DNAH8: variants seen among roughly 807,000 people sequenced by gnomAD.
DNAH8 encodes the protein dynein axonemal heavy chain 8, also known as axonemal beta dynein heavy chain 8.
Under a neutral mutation model 562.1 loss-of-function variants are expected in DNAH8, and 382 were observed. The observed-to-expected ratio is 0.68, with a 90% confidence interval of 0.63 to 0.74. The LOEUF (loss-of-function observed/expected upper bound fraction) is 0.74, where lower values mean the gene tolerates loss of function less well. Ranked by LOEUF, DNAH8 falls within the 30% of genes least tolerant of loss-of-function variation. DNAH8 has a pLI of 0.00. For missense variants in DNAH8, 5,203 were observed against 5,620.4 expected, an observed-to-expected ratio of 0.93 and a Z score of 2.37; for synonymous variants, 1,881 against 1,919.4, an observed-to-expected ratio of 0.98 and a Z score of 0.52.
intron 25 of DNAH8, among the ~76,000 whole-genome samples, chr6:38,814,441 T>C (rs1678692): frequency 0.42 from 63,929 of 151,802 alleles, 14,372 homozygotes; most frequent in East Asian, 0.8. Context: ...ATTAGCCAGT[T>C]GTGGTGGTAG....
At chr6:38,993,771 C>T (rs373542024) in intron 88 of DNAH8, among the ~76,000 whole-genome samples, 1 of 151,958 alleles carries the variant, frequency 6.6e-6, no homozygotes, top group African/African-American at 2.4e-5. Context: ...TTTTTTTTTA[C>T]AGCTGCATGC....
At chr6:38,816,649 A>G (rs926584884) in intron 26 of DNAH8, among the ~76,000 whole-genome samples, 1 of 152,156 alleles carries the variant, frequency 6.6e-6, no homozygotes, top group Non-Finnish European at 1.5e-5. Flanking sequence ...TAGGTCTTTG[A>G]GGAATTGCCA....
chr6:38,789,229 T>C (rs757550719), intron 18 of DNAH8, among the ~76,000 whole-genome samples: 3 of 152,098 alleles, frequency 2.0e-5, no homozygotes, highest in East Asian at 1.9e-4. Context: ...TAGGTAAAAA[T>C]TGAAACAGTT....
chr6:38,782,712 A>G (rs566755763), intron 16 of DNAH8, among the ~76,000 whole-genome samples: 1 of 152,224 alleles, frequency 6.6e-6, no homozygotes, highest in South Asian at 2.1e-4. Context: ...GTGGGATGGG[A>G]TCAGAAAAGG....
intron 15 of DNAH8, 53 bp from the exon 16 acceptor site, chr6:38,781,201 T>G: frequency 6.3e-7 from 1 of 1,590,058 alleles, no homozygotes; most frequent in Non-Finnish European, 8.6e-7. Context: ...ATATATTTTT[T>G]GCCTTCTCCC....
chr6:39,012,757 A>G (rs1050558909), intron 91 of DNAH8, 120 bp downstream of exon 91: 3 of 693,134 alleles, frequency 4.3e-6, no homozygotes, highest in Non-Finnish European at 7.5e-6. Flanking sequence ...GGTGCTGCAC[A>G]TAGCCATTCA....
chr6:38,868,945 T>C (rs1777269233), intron 48 of DNAH8, among the ~76,000 whole-genome samples: 1 of 152,074 alleles, frequency 6.6e-6, no homozygotes, highest in Admixed American at 6.5e-5. Context: ...AGTGCTGGGA[T>C]TACAGGCATA....
chr6:38,786,340 C>A (rs1295835516), intron 17 of DNAH8, among the ~76,000 whole-genome samples: 1 of 152,128 alleles, frequency 6.6e-6, no homozygotes, highest in Non-Finnish European at 1.5e-5. Flanking sequence ...AAATAAGCCT[C>A]TTTAAAGAAG....
intron 8 of DNAH8, among the ~76,000 whole-genome samples, chr6:38,748,461 AT>A: frequency 6.6e-6 from 1 of 152,208 alleles, no homozygotes; most frequent in South Asian, 2.1e-4. Context: ...TTTGGCTCCC[AT>A]TGTTTTTCAA....
chr6:38,921,370 C>G lies in DNAH8; in HGVS notation c.10526C>G (p.Ala3509Gly). ...CTAACCACGTCTTCTTCTTTTCAGG[C>G]CAACCTGGCCAAGCAGGAAGGCCGG... is the stretch of plus-strand genomic sequence containing the variant. ...GINREVLPLK[A>G]NLAKQEGRLA... The change falls in exon 71 of 93, where the codon GCC (alanine) becomes GGC (glycine). Residue 3509 changes from alanine to glycine, a missense_variant and splice_region_variant. Physicochemically the swap from Ala to Gly is moderately conservative, Grantham distance 60. Around this residue, in one of 6 missense-constraint regions of DNAH8, gnomAD observed 1,399 missense variants for 1,518.4 expected, o/e 0.92. Transcript: ENST00000327475. 6.2e-7 allele frequency: 1 copy of G among 1,612,448 alleles called. No individual in the cohort carries two copies. The highest frequency in any genetic ancestry group is 8.5e-7 in the Non-Finnish European group (1 of 1,179,424).
intron 9 of DNAH8, 79 bp from the exon 10 acceptor site, chr6:38,755,893 G>C (rs148729019): frequency 1.2e-5 from 10 of 843,768 alleles, no homozygotes; most frequent in Non-Finnish European, 2.0e-5. Context: ...TGTACCTTTA[G>C]AGTTTTGAGT....
At chr6:38,842,296 C>G (rs1476185098) in intron 33 of DNAH8, 72 bp from the exon 34 acceptor site, 5 of 1,260,842 alleles carry the variant, frequency 4.0e-6, no homozygotes, top group Non-Finnish European at 5.5e-6. Flanking sequence ...ATTGGATGAA[C>G]TCTGCCTTTC....
At chr6:38,824,980 G>T (rs1189708254) in intron 28 of DNAH8, among the ~76,000 whole-genome samples, 1 of 152,122 alleles carries the variant, frequency 6.6e-6, no homozygotes, top group African/African-American at 2.4e-5. Context: ...TTTTTTAAAA[G>T]TTCACATTTG....
rs1168172905 is a variant in DNAH8, at chr6:38,850,319, C to T, written c.5268C>T (p.Pro1756=). The part of the protein sequence containing the change: ...IKIMQRAHEN[P]NVINCCVGDE... ...TAATGCAGCGAGCTCATGAGAATCC[C>T]AATGTGATTAATTGCTGTGTTGGAG... The change falls in exon 38 of 93, where the codon CCC becomes CCT. Residue 1756 remains proline (P), a synonymous_variant. Transcript: ENST00000327475. 6.2e-7 allele frequency: 1 copy of T among 1,613,458 alleles called. No homozygotes were observed. The highest frequency in any genetic ancestry group is 8.5e-7 in the Non-Finnish European group (1 of 1,179,666).
intron 21 of DNAH8, 59 bp from the exon 22 acceptor site, chr6:38,803,120 A>G: frequency 7.9e-7 from 1 of 1,258,848 alleles, no homozygotes; most frequent in South Asian, 1.9e-5. Flanking sequence ...CATAGGACTA[A>G]TTTTCACAGT....
At chr6:38,836,109 T>C (rs1774262335) in intron 32 of DNAH8, among the ~76,000 whole-genome samples, 2 of 152,132 alleles carry the variant, frequency 1.3e-5, no homozygotes, top group African/African-American at 4.8e-5. Flanking sequence ...CTTGGGCATA[T>C]TGACGAAGGT....
At chr6:38,921,233 C>T in intron 70 of DNAH8, 136 bp from the exon 71 acceptor site, 1 of 1,017,062 alleles carries the variant, frequency 9.8e-7, no homozygotes, top group Non-Finnish European at 1.4e-6. Flanking sequence ...GCTTTGCTTT[C>T]CCAGCTGAAG....
intron 11 of DNAH8, 105 bp downstream of exon 11, chr6:38,761,908 A>G: frequency 1.8e-6 from 1 of 560,916 alleles, no homozygotes; most frequent in African/African-American, 2.0e-5. Flanking sequence ...CTTCCTACAG[A>G]GTAGTGTTGA....
chr6:38,944,908 C>T (rs113627703), intron 79 of DNAH8, among the ~76,000 whole-genome samples: 6 of 152,020 alleles, frequency 3.9e-5, no homozygotes, highest in African/African-American at 9.7e-5. Flanking sequence ...TTATTCCCCC[C>T]CTCTTTTTAT....
Sources: allele counts gnomAD v4.1 joint callset (sites outside exome capture counted in the v4.1 genomes callset), GRCh38; gene constraint gnomAD v4.1.1; regional missense constraint gnomAD v4.1.1; transcripts MANE v1.5; gene names NCBI Gene and HGNC (gene_info 2026-07-23, HGNC 2026-07-21).